The following JAKMIP3 variants were observed in gnomAD, a reference collection of about 807,000 sequenced individuals.
JAKMIP3 encodes janus kinase and microtubule-interacting protein 3.
In JAKMIP3, 58 loss-of-function variants were observed where a neutral mutation model predicts 118.5. The ratio of observed to expected loss-of-function variants is 0.49; its 90% CI spans 0.40 to 0.61. The LOEUF (loss-of-function observed/expected upper bound fraction) is 0.61, where lower values mean the gene tolerates loss of function less well. Among genes scored for constraint, JAKMIP3 ranks in the 20% least tolerant of loss-of-function variants. The pLI is 0.00. For synonymous variants in JAKMIP3, 486 were observed against 451.2 expected, an observed-to-expected ratio of 1.08 and a Z score of -0.98; for missense variants, 950 against 1,109.0, an observed-to-expected ratio of 0.86 and a Z score of 2.04.
At chr10:132,059,763 A>G (rs1564854731), upstream of JAKMIP3, among the ~76,000 whole-genome samples, 1 of 152,244 alleles carries the variant, frequency 6.6e-6, no homozygotes, top group Non-Finnish European at 1.5e-5. Flanking sequence ...AGGGCATCCC[A>G]GCTCCACCCT....
chr10:132,088,922 A>G (rs1416524234), intron 1 of JAKMIP3, among the ~76,000 whole-genome samples: 2 of 152,238 alleles, frequency 1.3e-5, no homozygotes, highest in Non-Finnish European at 2.9e-5. Flanking sequence ...AGCTTTCCAC[A>G]TATGGCTAGC....
chr10:132,109,535 C>T (rs116352072), intron 2 of JAKMIP3, among the ~76,000 whole-genome samples: 1,718 of 152,240 alleles, frequency 0.011, 35 homozygotes, highest in African/African-American at 0.038. Flanking sequence ...GTCCTGAGAA[C>T]GACAGTGAGG....
At chr10:132,178,436 A>T (rs895998576) in intron 23 of JAKMIP3, among the ~76,000 whole-genome samples, 1 of 152,198 alleles carries the variant, frequency 6.6e-6, no homozygotes, top group Non-Finnish European at 1.5e-5. Context: ...GCTTCAAGAA[A>T]AAAATACCTT....
At chr10:132,131,334 G>A (rs1451010757) in intron 3 of JAKMIP3, among the ~76,000 whole-genome samples, 2 of 151,380 alleles carry the variant, frequency 1.3e-5, no homozygotes, top group African/African-American at 4.9e-5. Context: ...GGGCTTGAGA[G>A]ACACAGGACT....
chr10:132,074,612 T>A (rs1257703400), intron 1 of JAKMIP3, among the ~76,000 whole-genome samples: 2 of 152,218 alleles, frequency 1.3e-5, no homozygotes, highest in African/African-American at 4.8e-5. Context: ...TTGCAGATAT[T>A]TTCTCCCATC....
At chr10:132,037,546 G>T (rs999664510) in intron 1 of JAKMIP3, among the ~76,000 whole-genome samples, 1 of 152,190 alleles carries the variant, frequency 6.6e-6, no homozygotes, top group Non-Finnish European at 1.5e-5. Flanking sequence ...GAAAGTGCCA[G>T]GCCGTGTGTC....
chr10:132,154,652 G>A (rs1187671742), intron 19 of JAKMIP3, among the ~76,000 whole-genome samples: 1 of 152,102 alleles, frequency 6.6e-6, no homozygotes, highest in African/African-American at 2.4e-5. Flanking sequence ...CAGCAGGCAG[G>A]GTCTTGACCC....
At chr10:132,082,333 A>G (rs1425134322) in intron 1 of JAKMIP3, among the ~76,000 whole-genome samples, 1 of 152,058 alleles carries the variant, frequency 6.6e-6, no homozygotes, top group Non-Finnish European at 1.5e-5. Flanking sequence ...CCGTCACTCA[A>G]GCAGTATACA....
intron 1 of JAKMIP3, among the ~76,000 whole-genome samples, chr10:132,038,613 A>G (rs1163993927): frequency 6.6e-6 from 1 of 152,106 alleles, no homozygotes; most frequent in Admixed American, 6.5e-5. Context: ...CTTGGCCAAC[A>G]TAGTGAATCC....
chr10:132,180,680 C>CGTGTGT lies in JAKMIP3; in HGVS notation c.*1104-1676_*1104-1675insTGTGTG, dbSNP rs1296049208. Among the ~76,000 whole-genome samples, 43 of 5,950 alleles carry CGTGTGT rather than the reference C, an allele frequency of 7.2e-3. 2 individuals are homozygous for CGTGTGT. The highest frequency in any genetic ancestry group is 0.071 in the East Asian group (21 of 296). The allele number at this position is 5,950 out of a possible 152,430, so 3.9% of individuals were successfully genotyped here. On this transcript the variant is annotated intron_variant, in intron 23 of 23. Coordinates refer to ENST00000684848, the MANE Select transcript of JAKMIP3 (RefSeq NM_001323087.2). ...GTGCGTGTGTGCGTGTGTGTGCGCG[C>CGTGTGT]GCGTGTGTGTGCGTGCGTGTGTGTG... is the stretch of plus-strand genomic sequence containing the variant.
At chr10:132,136,950 G>A (rs761845145) in intron 6 of JAKMIP3, 69 bp from the exon 7 acceptor site, 41 of 1,538,562 alleles carry the variant, frequency 2.7e-5, no homozygotes, top group Non-Finnish European at 3.3e-5. Context: ...AGACCCCCCC[G>A]CCGACCCACT....
intron 9 of JAKMIP3, among the ~76,000 whole-genome samples, chr10:132,139,969 G>A (rs924054997): frequency 5.3e-5 from 8 of 152,150 alleles, no homozygotes; most frequent in South Asian, 2.1e-4. Flanking sequence ...TGCAGACGTC[G>A]GGGTGAACCT....
intron 23 of JAKMIP3, among the ~76,000 whole-genome samples, chr10:132,172,999 C>A (rs2059678320): frequency 1.5e-5 from 1 of 66,442 alleles, no homozygotes. Flanking sequence ...CTCTCTCCTT[C>A]CCTCTCTCTC....
In JAKMIP3 at chr10:132,180,564, T is replaced by C. The variant is rs1395823544; in HGVS notation, c.*1104-1793T>C. Among the ~76,000 whole-genome samples the C allele has an allele frequency of 3.7e-3, 190 of 50,746 alleles. 51 individuals are homozygous for C. The highest frequency in any genetic ancestry group is 0.018 in the African/African-American group (157 of 8,676). The allele number at this position is 50,746 out of a possible 152,430, so 33.3% of individuals were successfully genotyped here. On this transcript the variant is annotated intron_variant, in intron 23 of 23. Transcript: ENST00000684848. Reference sequence around the variant, plus strand: ...GTGTGTGCGTGCGTGCATGCGTGTGTGTGCGTGTGTGTGTGCGTGCGCGTG... The same window carrying C: ...GTGTGTGCGTGCGTGCATGCGTGTGCGTGCGTGTGTGTGTGCGTGCGCGTG...
In JAKMIP3 at chr10:132,162,022, G is replaced by A. The variant is rs1308126028; in HGVS notation, c.2221-1187G>A. Among the ~76,000 whole-genome samples, 2 of 146,382 alleles carry A rather than the reference G, an allele frequency of 1.4e-5. 1 individual carries two copies. Among genetic ancestry groups the A allele is most frequent in the South Asian group, 4.5e-4 (2 of 4,402 alleles). On this transcript the variant is annotated intron_variant, in intron 19 of 23. Coordinates refer to ENST00000684848, the MANE Select transcript of JAKMIP3 (RefSeq NM_001323087.2). Reference sequence around the variant, plus strand: ...TTCCCTTTCCCTGCACACTCGCCCGGTTCTCTCCTATGTCGTTCATGGTGT... The same window carrying A: ...TTCCCTTTCCCTGCACACTCGCCCGATTCTCTCCTATGTCGTTCATGGTGT...
rs1267754809 is a variant in JAKMIP3, at chr10:132,137,132, C to T, written c.1230C>T (p.Leu410=). 1.2e-6 allele frequency: 2 copies of T among 1,613,950 alleles called. No individual in the cohort carries two copies. The highest frequency in any genetic ancestry group is 1.7e-6 in the Non-Finnish European group (2 of 1,179,880). The part of the protein sequence containing the change: ...LKLQIVEQQN[L]IDELSKTLET... ...TTCAGATTGTGGAGCAGCAAAACCTCATAGATGAACTGTCTAAGGTACCCG... is the reference window on the plus strand; with the variant it reads ...TTCAGATTGTGGAGCAGCAAAACCTTATAGATGAACTGTCTAAGGTACCCG... Residue 410 remains leucine (L), a synonymous_variant, in exon 7 of 24, where the codon CTC becomes CTT. Coordinates refer to ENST00000684848, the MANE Select transcript of JAKMIP3 (RefSeq NM_001323087.2).
intron 3 of JAKMIP3, among the ~76,000 whole-genome samples, chr10:132,128,962 T>C (rs2050114786): frequency 6.6e-6 from 1 of 152,250 alleles, no homozygotes; most frequent in Non-Finnish European, 1.5e-5. Context: ...AGTCATCTGT[T>C]GATGTGCTGC....
intron 21 of JAKMIP3, among the ~76,000 whole-genome samples, chr10:132,165,913 G>A (rs61864457): frequency 2.0e-5 from 3 of 152,246 alleles, no homozygotes; most frequent in East Asian, 1.9e-4. Context: ...CGGCCTTGCC[G>A]GGAGGGGACA....
chr10:132,058,020 A>G (rs1321676411), intron 1 of JAKMIP3, among the ~76,000 whole-genome samples: 6 of 152,088 alleles, frequency 3.9e-5, no homozygotes, highest in African/African-American at 1.2e-4. Context: ...GCCCCTGACG[A>G]CTCAAGTCCA....
Sources: allele counts gnomAD v4.1 joint callset (sites outside exome capture counted in the v4.1 genomes callset), GRCh38; gene constraint gnomAD v4.1.1; transcripts MANE v1.5; gene names NCBI Gene and HGNC (gene_info 2026-07-23, HGNC 2026-07-21).